COX7B2: variants seen among roughly 807,000 people sequenced by gnomAD.
COX7B2 encodes the protein cytochrome c oxidase subunit 7B2, mitochondrial.
For synonymous variants in COX7B2, 37 were observed against 32.1 expected (o/e 1.15, Z -0.51); for missense variants, 109 against 95.9 (o/e 1.14, Z -0.57).
chr4:46,820,047 G>C (rs1300756652), intron 2 of COX7B2, among the ~76,000 whole-genome samples: 1 of 152,188 alleles, frequency 6.6e-6, no homozygotes, highest in Non-Finnish European at 1.5e-5. Flanking sequence ...TTTTTTCACA[G>C]ACCAGTCGGG....
chr4:46,749,080 T>C (rs1355757102), intron 2 of COX7B2, among the ~76,000 whole-genome samples: 1 of 152,134 alleles, frequency 6.6e-6, no homozygotes, highest in Non-Finnish European at 1.5e-5. Flanking sequence ...TCCTTATCAA[T>C]GTTTCATCCT....
rs373647970 is a variant in COX7B2 at position 46,736,867 on chromosome 4, C to T, written c.-49-1626G>A. Among the ~76,000 whole-genome samples, 7 of 152,266 alleles carry T rather than the reference C, an allele frequency of 4.6e-5. No homozygotes were observed. In the East Asian group the frequency reaches 1.3e-3, roughly 29 times the overall value. ...TATCTATTATTTTACTGAAGGACAT[C>T]TTGATTGCTTCTAAGATTCAATTAG... On this transcript the variant is annotated intron_variant, in intron 2 of 2. Transcript: ENST00000355591.
intron 2 of COX7B2, among the ~76,000 whole-genome samples, chr4:46,832,774 T>C (rs540622229): frequency 1.3e-5 from 2 of 152,284 alleles, no homozygotes; most frequent in East Asian, 3.9e-4. Flanking sequence ...CCACTCTCTC[T>C]CACTCCTGCT....
intron 1 of COX7B2, among the ~76,000 whole-genome samples, chr4:46,889,186 A>G (rs191999603): frequency 6.6e-6 from 1 of 152,326 alleles, no homozygotes; most frequent in Admixed American, 6.5e-5. Flanking sequence ...ATTTGATAGA[A>G]CTAGTTAAAC....
At chr4:46,821,389 A>C (rs1418721216) in intron 2 of COX7B2, among the ~76,000 whole-genome samples, 7 of 152,206 alleles carry the variant, frequency 4.6e-5, no homozygotes. Flanking sequence ...AACCTTAAAT[A>C]TATTTGACTC....
intron 1 of COX7B2, among the ~76,000 whole-genome samples, chr4:46,908,885 C>CA (rs1195661597): frequency 1.5e-4 from 23 of 150,476 alleles, no homozygotes; most frequent in Middle Eastern, 3.4e-3. Flanking sequence ...ACTAAAAATA[C>CA]AAAAAAAAAT....
intron 2 of COX7B2, among the ~76,000 whole-genome samples, chr4:46,827,179 A>T (rs907729086): frequency 6.6e-6 from 1 of 152,072 alleles, no homozygotes; most frequent in Non-Finnish European, 1.5e-5. Flanking sequence ...AGAAAAAAAT[A>T]TTTGCAGAAA....
intron 2 of COX7B2, among the ~76,000 whole-genome samples, chr4:46,767,000 T>G (rs1237414628): frequency 1.3e-5 from 2 of 151,948 alleles, no homozygotes; most frequent in Non-Finnish European, 2.9e-5. Context: ...TGACAACAAA[T>G]GTCCTTACCC....
intron 2 of COX7B2, among the ~76,000 whole-genome samples, chr4:46,807,963 A>T (rs73141218): frequency 0.035 from 5,297 of 151,868 alleles, 235 homozygotes; most frequent in African/African-American, 0.11. Flanking sequence ...ATATGATGCT[A>T]CCAACTTTGT....
intron 1 of COX7B2, among the ~76,000 whole-genome samples, chr4:46,903,638 A>T (rs1310807043): frequency 1.3e-5 from 2 of 152,184 alleles, no homozygotes; most frequent in Non-Finnish European, 2.9e-5. Flanking sequence ...AAACAGGTGT[A>T]TCATTTTTTA....
At chr4:46,814,230 T>C (rs1331617136) in intron 2 of COX7B2, among the ~76,000 whole-genome samples, 1 of 152,262 alleles carries the variant, frequency 6.6e-6, no homozygotes, top group Non-Finnish European at 1.5e-5. Context: ...TTGCCTAATC[T>C]TGGTTTGTCA....
chr4:46,741,014 C>T (rs1714672218), intron 2 of COX7B2, among the ~76,000 whole-genome samples: 1 of 151,976 alleles, frequency 6.6e-6, no homozygotes, highest in African/African-American at 2.4e-5. Flanking sequence ...GGTTTAGATG[C>T]CTGAGTAGAA....
intron 2 of COX7B2, among the ~76,000 whole-genome samples, chr4:46,802,521 G>A (rs1457572932): frequency 6.6e-6 from 1 of 151,980 alleles, no homozygotes; most frequent in Non-Finnish European, 1.5e-5. Flanking sequence ...TGCTGCTTTT[G>A]GGGCATAAAG....
intron 2 of COX7B2, among the ~76,000 whole-genome samples, chr4:46,760,616 G>A (rs1056755392): frequency 3.3e-5 from 5 of 152,080 alleles, no homozygotes; most frequent in African/African-American, 1.2e-4. Flanking sequence ...TAGATGATGG[G>A]TTGATGGGTG....
At chr4:46,793,909 T>TC (rs1180810010) in intron 2 of COX7B2, among the ~76,000 whole-genome samples, 1 of 152,118 alleles carries the variant, frequency 6.6e-6, no homozygotes, top group Non-Finnish European at 1.5e-5. Flanking sequence ...GAAATTGGTC[T>TC]CCCCCCTTTG....
intron 2 of COX7B2, among the ~76,000 whole-genome samples, chr4:46,800,629 A>G (rs1718608259): frequency 6.6e-6 from 1 of 152,172 alleles, no homozygotes; most frequent in African/African-American, 2.4e-5. Context: ...ACTTAAAAGT[A>G]AAACCTAAAA....
intron 2 of COX7B2, among the ~76,000 whole-genome samples, chr4:46,785,375 A>T (rs1343315118): frequency 7.0e-6 from 1 of 143,582 alleles, no homozygotes; most frequent in African/African-American, 2.5e-5. Context: ...TGATAGAGCA[A>T]TTTTTTTTTT....
At chr4:46,806,656 T>G (rs1460433167) in intron 2 of COX7B2, among the ~76,000 whole-genome samples, 1 of 152,042 alleles carries the variant, frequency 6.6e-6, no homozygotes, top group Non-Finnish European at 1.5e-5. Context: ...TATCTACCAC[T>G]TTGTATCCCC....
chr4:46,858,874 TTTAAAAG>T (rs1717171139), intron 1 of COX7B2, among the ~76,000 whole-genome samples: 1 of 152,162 alleles, frequency 6.6e-6, no homozygotes, highest in Non-Finnish European at 1.5e-5. Flanking sequence ...ATTAACCACT[TTTAAAAG>T]TCATTTCACA....
Sources: gnomAD v4.1 joint callset for allele counts (sites outside exome capture counted in the v4.1 genomes callset) on GRCh38, gnomAD v4.1.1 for gene constraint, MANE v1.5 for transcripts, NCBI Gene and HGNC (gene_info 2026-07-23, HGNC 2026-07-21) for gene names.